Variants in POLD2 observed in about 807,000 individuals in gnomAD.
POLD2 encodes the protein DNA polymerase delta 2, accessory subunit.
POLD2 carries 31 observed loss-of-function variants against 48.8 expected under a neutral mutation model. The observed-to-expected ratio is 0.64, with a 90% confidence interval of 0.48 to 0.86. The LOEUF is 0.86. Among genes scored for constraint, POLD2 ranks in the 40% least tolerant of loss-of-function variants. The pLI, the probability that POLD2 is intolerant of heterozygous loss-of-function variation, is 0.00. For synonymous variants in POLD2, 233 were observed against 256.3 expected (o/e 0.91, Z 0.87); for missense variants, 455 against 610.1 (o/e 0.75, Z 2.68).
intron 4 of POLD2, 171 bp from the exon 5 acceptor site, chr7:44,117,418 G>T: frequency 1.4e-6 from 1 of 731,934 alleles, no homozygotes; most frequent in Non-Finnish European, 2.3e-6. Context: ...GGATGGAGGT[G>T]GGGAGACCCA....
rs1326969200 is a variant in POLD2 at position 44,116,657 on chromosome 7, C to T, written c.781-147G>A. ...CCACCATCCTCAGCGAGGGCCTGGG[C>T]ATGAGGAGCCCCATTGCAGGAGGCC... On this transcript the variant is annotated intron_variant, in intron 6 of 10. Transcript: ENST00000610533. The surrounding 1 kb of genome is among the most constrained non-coding windows in gnomAD (Gnocchi z 6.1). 2.0e-6 allele frequency: 2 copies of T among 1,004,270 alleles called. No individual in the cohort carries two copies. The highest frequency in any genetic ancestry group is 3.2e-5 in the African/African-American group (2 of 62,620). 62.2% of individuals were successfully genotyped at this position (1,004,270 alleles called of 1,614,324 possible). A position where few individuals can be genotyped will look rare whatever the true frequency, so the allele number is the denominator to read the frequency against.
chr7:44,116,234 A>C lies in POLD2; in HGVS notation c.900T>G (p.Asp300Glu). Residue 300 changes from aspartate (D) to glutamate (E), a missense_variant, in exon 8 of 11, where the codon GAT (aspartate) becomes GAG (glutamate). Asp to Glu is a conservative substitution (Grantham distance 45). This residue lies in a region of POLD2 where 349 missense variants were observed against 437.4 expected (regional missense o/e 0.80). Coordinates refer to ENST00000610533, the MANE Select transcript of POLD2 (RefSeq NM_006230.4). The surrounding 1 kb of genome is among the most constrained non-coding windows in gnomAD (Gnocchi z 6.1). ...VPVDVMPGEF[D>E]PTNYTLPQQP... is the part of the protein sequence containing the mutation. ...GCTGGGGGAGCGTGTAATTGGTGGG[A>C]TCAAACTCGCCTGGCATCACGTCCA... The C allele has an allele frequency of 6.2e-7, 1 of 1,613,158 alleles. No individual in the cohort carries two copies. Among genetic ancestry groups the C allele is most frequent in the Non-Finnish European group, 8.5e-7 (1 of 1,179,522 alleles).
chr7:44,119,439 G>T (rs1015124167), intron 2 of POLD2, among the ~76,000 whole-genome samples: 3 of 152,128 alleles, frequency 2.0e-5, no homozygotes, highest in African/African-American at 7.2e-5. Context: ...ACAGAGGCGA[G>T]CAACTCAAAA....
chr7:44,114,789 G>A lies in POLD2; in HGVS notation c.1406C>T (p.Pro469Leu). ...GGTCAAAACCACTTTTTTGAGTCAGGGGCCCAGCCCCAGGCCTCCCAGGTC... is the reference window on the plus strand; with the variant it reads ...GGTCAAAACCACTTTTTTGAGTCAGAGGCCCAGCCCCAGGCCTCCCAGGTC... ...DDDLGGLGLG[P>L] Residue 469 changes from proline to leucine, a missense_variant, in exon 11 of 11, where the codon CCC becomes CTC. Physicochemically the swap from Pro to Leu is moderately conservative, Grantham distance 98 (BLOSUM62 -3). Around this residue, in one of 3 missense-constraint regions of POLD2, gnomAD observed 98 missense variants for 138.6 expected, o/e 0.71. Transcript: ENST00000610533. 1 of 1,602,530 alleles carries A rather than the reference G, an allele frequency of 6.2e-7. No homozygotes were observed. Among genetic ancestry groups the A allele is most frequent in the South Asian group, 1.1e-5 (1 of 90,658 alleles).
In POLD2 at chr7:44,115,318, C is replaced by A. The variant is rs1456906997; in HGVS notation, c.1226G>T (p.Ser409Ile). ...ACCTCGGATGATTTTGGAGCCAAAG[C>A]TGGGGGTGTTGCCACAAAAGTAGAC... is the stretch of plus-strand genomic sequence containing the variant. ...PHVYFCGNTP[S>I]FGSKIIRGPE... is the part of the protein sequence containing the mutation. The change falls in exon 10 of 11, where the codon AGC becomes ATC. Residue 409 changes from serine (S) to isoleucine (I), a missense_variant. Around this residue, in one of 3 missense-constraint regions of POLD2, gnomAD observed 98 missense variants for 138.6 expected, o/e 0.71. Coordinates refer to ENST00000610533, the MANE Select transcript of POLD2 (RefSeq NM_006230.4). The A allele has an allele frequency of 6.2e-7, 1 of 1,613,718 alleles. No individual in the cohort carries two copies. The highest frequency in any genetic ancestry group is 1.7e-5 in the Admixed American group (1 of 60,028).
chr7:44,114,791 G>C lies in POLD2; in HGVS notation c.1404C>G (p.Gly468=). 1 of 1,605,382 alleles carries C rather than the reference G, an allele frequency of 6.2e-7. No homozygotes were observed. Among genetic ancestry groups the C allele is most frequent in the Non-Finnish European group, 8.5e-7 (1 of 1,173,566 alleles). Residue 468 remains glycine (G), a synonymous_variant, in exon 11 of 11, where the codon GGC becomes GGG. Coordinates refer to ENST00000610533, the MANE Select transcript of POLD2 (RefSeq NM_006230.4). ...EDDDLGGLGL[G]P Reference sequence around the variant, plus strand: ...TCAAAACCACTTTTTTGAGTCAGGGGCCCAGCCCCAGGCCTCCCAGGTCAT... The same window carrying C: ...TCAAAACCACTTTTTTGAGTCAGGGCCCCAGCCCCAGGCCTCCCAGGTCAT...
At chr7:44,123,740 G>A (rs1179525928), upstream of POLD2, 1 of 1,330,550 alleles carries the variant, frequency 7.5e-7, no homozygotes, top group Non-Finnish European at 9.6e-7. Context: ...CGCGGGGCGG[G>A]GGCTCGCAGG....
At position 44,123,497 on chromosome 7, in the gene POLD2, T is replaced by G. The variant is rs1049529468; in HGVS notation, c.-57+14A>C. On this transcript the variant is annotated intron_variant, in intron 1 of 10. Transcript: ENST00000610533. ...CCACCCCCAGCTGACCCCGTTTCCC[T>G]GGACCCCACTCACCGCGCGGCGCGC... The G allele has an allele frequency of 2.0e-6, 3 of 1,491,080 alleles. No individual in the cohort carries two copies. Among genetic ancestry groups the G allele is most frequent in the Non-Finnish European group, 2.7e-6 (3 of 1,128,286 alleles). 92.4% of individuals were successfully genotyped at this position (1,491,080 alleles called of 1,614,324 possible).
chr7:44,123,568 C>T (rs1395808551), upstream of POLD2: 1 of 1,473,246 alleles, frequency 6.8e-7, no homozygotes, highest in South Asian at 1.3e-5. Context: ...ATCGCCGCAA[C>T]TCGCTAATCC....
At chr7:44,123,464 T>C (rs1451993276) in intron 1 of POLD2, 47 bp downstream of exon 1, 1 of 1,494,872 alleles carries the variant, frequency 6.7e-7, no homozygotes, top group Non-Finnish European at 8.8e-7. Context: ...CCTCGCGGCC[T>C]GGAACTGCCA....
Position 44,121,250 on chromosome 7 carries a change from CA to C in POLD2, c.220+583del, listed in dbSNP as rs1484203944. Among the ~76,000 whole-genome samples, 1 of 152,022 alleles carries C rather than the reference CA, an allele frequency of 6.6e-6. No individual in the cohort carries two copies. Among genetic ancestry groups the C allele is most frequent in the African/African-American group, 2.4e-5 (1 of 41,372 alleles). ...GAGATGGGGGTCCCTGCTTCACCAC[CA>C]AGAGTAATCCAACTGCAGGAGAGAT... On this transcript the variant is annotated intron_variant, in intron 2 of 10. Transcript: ENST00000610533. The surrounding 1 kb of genome is among the most constrained non-coding windows in gnomAD (Gnocchi z 4.5).
At chr7:44,122,349 G>C in intron 1 of POLD2, 2 of 1,303,728 alleles carry the variant, frequency 1.5e-6, no homozygotes, top group Non-Finnish European at 1.9e-6. Flanking sequence ...AGTTCTTCCC[G>C]AACCCTAGAC....
chr7:44,123,911 C>T (rs2096252319), upstream of POLD2, among the ~76,000 whole-genome samples: 1 of 152,264 alleles, frequency 6.6e-6, no homozygotes. Context: ...CCGCCAGCCT[C>T]CTTGGTGAAG....
chr7:44,119,072 CA>C (rs2096244916), intron 2 of POLD2, among the ~76,000 whole-genome samples: 1 of 138,352 alleles, frequency 7.2e-6, no homozygotes, highest in Admixed American at 8.0e-5. Flanking sequence ...ACTCAAAATG[CA>C]GACCTCAGAT....
intron 1 of POLD2, chr7:44,122,520 C>A: frequency 3.3e-6 from 3 of 912,476 alleles, no homozygotes; most frequent in Non-Finnish European, 3.9e-6. Context: ...AAATAATAAG[C>A]CTATTATTAA....
intron 2 of POLD2, among the ~76,000 whole-genome samples, chr7:44,118,654 A>G (rs2096244127): frequency 6.6e-6 from 1 of 150,560 alleles, no homozygotes; most frequent in Non-Finnish European, 1.5e-5. Context: ...CTGGGACTAC[A>G]GGCGTGTGCC....
At position 44,114,716 on chromosome 7, in the gene POLD2, A is replaced by G; in HGVS notation, c.*69T>C. ...ATCAGCAAGTGCTCAGGCTTTATTT[A>G]CAATGCCGACACTGCAGGGAATGAA... On this transcript the variant is annotated 3_prime_UTR_variant, in exon 11 of 11. Coordinates refer to ENST00000610533, the MANE Select transcript of POLD2 (RefSeq NM_006230.4). The G allele has an allele frequency of 2.0e-6, 3 of 1,487,124 alleles. No homozygotes were observed. Among genetic ancestry groups the G allele is most frequent in the Non-Finnish European group, 2.7e-6 (3 of 1,092,840 alleles). The allele number at this position is 1,487,124 out of a possible 1,614,324, so 92.1% of individuals were successfully genotyped here.
In POLD2 at chr7:44,122,488, C is replaced by T. The variant is rs750031112; in HGVS notation, c.-56-379G>A. The T allele has an allele frequency of 7.9e-6, 8 of 1,010,112 alleles. 1 individual carries two copies. Among genetic ancestry groups the T allele is most frequent in the Non-Finnish European group, 9.5e-6 (8 of 846,538 alleles). 62.6% of individuals were successfully genotyped at this position (1,010,112 alleles called of 1,614,324 possible). On this transcript the variant is annotated intron_variant, in intron 1 of 10. Coordinates refer to ENST00000610533, the MANE Select transcript of POLD2 (RefSeq NM_006230.4). ...TCTCATTTCCAGACAAGAGGTCTGCCTTATTAAATAAAACTTCTGTGAAAT... is the reference window on the plus strand; with the variant it reads ...TCTCATTTCCAGACAAGAGGTCTGCTTTATTAAATAAAACTTCTGTGAAAT...
In POLD2 at chr7:44,117,000, C is replaced by T. The variant is rs747098106; in HGVS notation, c.597G>A (p.Val199=). The change falls in exon 6 of 11, where the codon GTG becomes GTA. Residue 199 remains valine, a synonymous_variant. Coordinates refer to ENST00000610533, the MANE Select transcript of POLD2 (RefSeq NM_006230.4). The surrounding 1 kb of genome is among the most constrained non-coding windows in gnomAD (Gnocchi z 6.1). ...CACCGCCACCCAGGCCCAGGCCGGA[C>T]ACCAGTAGCACAAACCTGCGGGAGA... is the stretch of plus-strand genomic sequence containing the variant. The part of the protein sequence containing the change: ...PLDTDRFVLL[V]SGLGLGGGGG... 1.9e-5 allele frequency: 30 copies of T among 1,613,538 alleles called. No individual in the cohort carries two copies. The highest frequency in any genetic ancestry group is 2.4e-5 in the Non-Finnish European group (28 of 1,179,894).
Sources: allele counts gnomAD v4.1 joint callset (sites outside exome capture counted in the v4.1 genomes callset), GRCh38; gene constraint gnomAD v4.1.1; regional missense constraint gnomAD v4.1.1; non-coding constraint Gnocchi (gnomAD v3.1); transcripts MANE v1.5; gene names NCBI Gene and HGNC (gene_info 2026-07-23, HGNC 2026-07-21).